Variants in UMAD1 observed in about 807,000 individuals in gnomAD.
The protein encoded by UMAD1 is UBAP1-MVB12-associated (UMA) domain containing 1.
In UMAD1, 8 loss-of-function variants were observed where a neutral mutation model predicts 6.1. The ratio of observed to expected loss-of-function variants is 1.30; its 90% CI spans 0.76 to 2.35. UMAD1 has a LOEUF of 2.35. Ranked by LOEUF, UMAD1 falls within the 30% of genes most tolerant of loss-of-function variation. The pLI, the probability that UMAD1 is intolerant of heterozygous loss-of-function variation, is 0.00. For missense variants in UMAD1, 130 were observed against 78.4 expected, an observed-to-expected ratio of 1.66 and a Z score of -2.49; for synonymous variants, 56 against 31.4, an observed-to-expected ratio of 1.78 and a Z score of -2.61.
At chr7:7,750,746 A>T (rs1048201108) in intron 2 of UMAD1, among the ~76,000 whole-genome samples, 1 of 152,200 alleles carries the variant, frequency 6.6e-6, no homozygotes, top group African/African-American at 2.4e-5. Context: ...GCTCAAAATC[A>T]CACAGCTAGA....
intron 3 of UMAD1, among the ~76,000 whole-genome samples, chr7:7,810,955 C>T (rs1205395136): frequency 6.6e-6 from 1 of 152,162 alleles, no homozygotes; most frequent in Non-Finnish European, 1.5e-5. Flanking sequence ...ACCTTTCCAG[C>T]AGGGAGAAGA....
intron 2 of UMAD1, among the ~76,000 whole-genome samples, chr7:7,787,616 C>G (rs1181907321): frequency 6.6e-6 from 1 of 152,136 alleles, no homozygotes; most frequent in Admixed American, 6.5e-5. Flanking sequence ...CCAGTAAAAT[C>G]TCTTTTCTTT....
intron 3 of UMAD1, among the ~76,000 whole-genome samples, chr7:7,819,273 C>T (rs1009906501): frequency 2.0e-5 from 3 of 152,118 alleles, no homozygotes; most frequent in Non-Finnish European, 4.4e-5. Flanking sequence ...TGACAAGCAT[C>T]TGAAGATTTT....
chr7:7,657,029 C>T (rs1289616822), intron 1 of UMAD1, among the ~76,000 whole-genome samples: 1 of 152,156 alleles, frequency 6.6e-6, no homozygotes, highest in African/African-American at 2.4e-5. Flanking sequence ...GAGAATGTAT[C>T]TCATTGTGGT....
At chr7:7,859,713 TA>T (rs1304568778) in intron 3 of UMAD1, among the ~76,000 whole-genome samples, 1 of 152,216 alleles carries the variant, frequency 6.6e-6, no homozygotes, top group Non-Finnish European at 1.5e-5. Context: ...TCTTGCAGAT[TA>T]ATTTTCAACT....
chr7:7,664,244 C>G (rs1779375850), intron 1 of UMAD1, among the ~76,000 whole-genome samples: 1 of 152,112 alleles, frequency 6.6e-6, no homozygotes, highest in African/African-American at 2.4e-5. Flanking sequence ...TTTTCCATAT[C>G]ATTTCTGTAC....
intron 2 of UMAD1, among the ~76,000 whole-genome samples, chr7:7,776,569 T>C (rs1429808114): frequency 6.6e-6 from 1 of 152,186 alleles, no homozygotes; most frequent in African/African-American, 2.4e-5. Context: ...AAAAGTTTCT[T>C]TTGAAAAGGC....
At chr7:7,714,385 T>G (rs928123992) in intron 2 of UMAD1, among the ~76,000 whole-genome samples, 5 of 152,268 alleles carry the variant, frequency 3.3e-5, no homozygotes, top group African/African-American at 9.6e-5. Flanking sequence ...ATGTACTTGT[T>G]TATTATAATT....
intron 3 of UMAD1, among the ~76,000 whole-genome samples, chr7:7,868,047 G>A (rs1409816425): frequency 6.6e-6 from 1 of 152,142 alleles, no homozygotes; most frequent in Admixed American, 6.5e-5. Flanking sequence ...GAGGAAGCTG[G>A]TGATATAGGG....
intron 3 of UMAD1, among the ~76,000 whole-genome samples, chr7:7,824,835 C>T (rs1224055395): frequency 1.3e-5 from 2 of 152,132 alleles, no homozygotes; most frequent in Non-Finnish European, 1.5e-5. Context: ...ATTAGCCGCT[C>T]ACTTACCACC....
At chr7:7,721,937 A>G (rs950519152) in intron 2 of UMAD1, among the ~76,000 whole-genome samples, 2 of 152,100 alleles carry the variant, frequency 1.3e-5, no homozygotes, top group Non-Finnish European at 2.9e-5. Flanking sequence ...CTTGGCTGGG[A>G]TATAAAGCAG....
At chr7:7,808,267 C>A (rs186489576) in intron 3 of UMAD1, among the ~76,000 whole-genome samples, 8 of 152,074 alleles carry the variant, frequency 5.3e-5, no homozygotes, top group Admixed American at 4.6e-4. Context: ...GTTGCATCTA[C>A]TTCTACTGTG....
chr7:7,646,809 T>C (rs573106408), intron 1 of UMAD1, among the ~76,000 whole-genome samples: 49 of 152,238 alleles, frequency 3.2e-4, no homozygotes, highest in Non-Finnish European at 6.3e-4. Flanking sequence ...TCTCCTCTGC[T>C]GCACCATTCT....
intron 3 of UMAD1, among the ~76,000 whole-genome samples, chr7:7,812,461 C>T (rs781527009): frequency 5.3e-5 from 8 of 152,088 alleles, no homozygotes; most frequent in Non-Finnish European, 1.0e-4. Flanking sequence ...TTTAAGTGCC[C>T]AACACATCTG....
chr7:7,689,634 T>C (rs571808823), intron 2 of UMAD1, among the ~76,000 whole-genome samples: 15 of 152,206 alleles, frequency 9.9e-5, no homozygotes, highest in Non-Finnish European at 1.8e-4. Flanking sequence ...CATGGAAATG[T>C]ATTTATATGT....
intron 1 of UMAD1, among the ~76,000 whole-genome samples, chr7:7,647,187 G>A (rs1457281782): frequency 6.6e-6 from 1 of 152,164 alleles, no homozygotes; most frequent in African/African-American, 2.4e-5. Flanking sequence ...GTTTTTATAA[G>A]CAGGTGTACA....
intron 2 of UMAD1, among the ~76,000 whole-genome samples, chr7:7,788,692 G>A (rs1399072824): frequency 2.7e-5 from 4 of 149,452 alleles, no homozygotes; most frequent in Non-Finnish European, 5.9e-5. Flanking sequence ...AAAGCCAGCA[G>A]TCAGGTAAAG....
chr7:7,760,639 G>A (rs1781870933), intron 2 of UMAD1, among the ~76,000 whole-genome samples: 1 of 152,066 alleles, frequency 6.6e-6, no homozygotes, highest in Admixed American at 6.6e-5. Context: ...AGTTTGGATA[G>A]CATTCAAGGC....
chr7:7,798,857 G>A (rs1467414404), intron 2 of UMAD1, among the ~76,000 whole-genome samples: 3 of 152,146 alleles, frequency 2.0e-5, no homozygotes, highest in African/African-American at 4.8e-5. Context: ...AATTGGGGGT[G>A]GGCAGAGTTA....
Sources: gnomAD v4.1 joint callset for allele counts (sites outside exome capture counted in the v4.1 genomes callset) on GRCh38, gnomAD v4.1.1 for gene constraint, MANE v1.5 for transcripts, NCBI Gene and HGNC (gene_info 2026-07-23, HGNC 2026-07-21) for gene names.